Variants in RYR2 observed in about 807,000 individuals in gnomAD.
RYR2 encodes ryanodine receptor 2, also known as cardiac muscle ryanodine receptor-calcium release channel.
In RYR2, 227 loss-of-function variants were observed where a neutral mutation model predicts 601.1. That is an observed-to-expected ratio of 0.38 (90% CI 0.34 to 0.42). The LOEUF is 0.42. Ranked by LOEUF, RYR2 falls within the 10% of genes least tolerant of loss-of-function variation. The probability of loss-of-function intolerance (pLI) is 1.00; values close to 1 mark genes in which losing one functional copy is unlikely to be tolerated. For missense variants in RYR2, 4,646 were observed against 6,156.5 expected, an observed-to-expected ratio of 0.75 and a Z score of 8.21; for synonymous variants, 2,223 against 2,175.1, an observed-to-expected ratio of 1.02 and a Z score of -0.61.
chr1:237,109,550 C>T (rs1010726904), intron 1 of RYR2, among the ~76,000 whole-genome samples: 2 of 152,116 alleles, frequency 1.3e-5, no homozygotes, highest in Non-Finnish European at 1.5e-5. Flanking sequence ...CGAAGGGCCT[C>T]GGTGATGGGC....
At position 237,485,004 on chromosome 1, in the gene RYR2, G is replaced by A. The variant is rs188436434; in HGVS notation, c.1709-6802G>A. On this transcript the variant is annotated intron_variant, in intron 17 of 104. Transcript: ENST00000366574. The stretch of plus-strand genomic sequence containing the variant: ...TATTTGCACGTATTAAACATGCAGT[G>A]CCTGCAGCCTCAATTTTGTGTTCTA... Among the ~76,000 whole-genome samples, 257 of 152,290 alleles carry A rather than the reference G, an allele frequency of 1.7e-3. 2 individuals carry two copies. Among genetic ancestry groups the A allele is most frequent in the Admixed American group, 4.6e-3 (71 of 15,292 alleles).
At chr1:237,205,347 C>A (rs1266063799) in intron 1 of RYR2, among the ~76,000 whole-genome samples, 14 of 152,172 alleles carry the variant, frequency 9.2e-5, no homozygotes, top group Admixed American at 9.2e-4. Flanking sequence ...GGGCTTGCTG[C>A]CTGCCACGAA....
In RYR2 at chr1:237,785,990, G is replaced by GAAA. The variant is rs1178242375; in HGVS notation, c.13284_13286dup (p.Lys4429dup). On this transcript the variant is annotated inframe_insertion, in exon 91 of 105. Coordinates refer to ENST00000366574, the MANE Select transcript of RYR2 (RefSeq NM_001035.3). ...CAAGGAACAGAAGGCAAAAGAAGAA[G>GAAA]AAAAGGAAGAAAAAGAAGAAACCAA... 1 of 1,591,608 alleles carries GAAA rather than the reference G, an allele frequency of 6.3e-7. No individual in the cohort carries two copies. Among genetic ancestry groups the GAAA allele is most frequent in the Non-Finnish European group, 8.6e-7 (1 of 1,167,720 alleles).
intron 46 of RYR2, among the ~76,000 whole-genome samples, chr1:237,639,576 AC>A (rs1681243642): frequency 6.6e-6 from 1 of 152,086 alleles, no homozygotes; most frequent in Non-Finnish European, 1.5e-5. Flanking sequence ...TTAGAAAGAG[AC>A]CTTTCGCAAA....
chr1:237,547,015 A>G (rs1039939081), intron 25 of RYR2, among the ~76,000 whole-genome samples: 5 of 141,654 alleles, frequency 3.5e-5, no homozygotes, highest in African/African-American at 1.3e-4. Flanking sequence ...TTATTTATTT[A>G]TTTATTTAGA....
chr1:237,646,005 T>A (rs1187682290), intron 48 of RYR2, among the ~76,000 whole-genome samples: 3 of 151,316 alleles, frequency 2.0e-5, no homozygotes, highest in South Asian at 4.2e-4. Context: ...GCCTCCCGAG[T>A]AGCTGGGACT....
chr1:237,446,505 G>C (rs1204598033), intron 14 of RYR2, among the ~76,000 whole-genome samples: 2 of 151,862 alleles, frequency 1.3e-5, no homozygotes, highest in African/African-American at 4.8e-5. Flanking sequence ...ATTGGTTTGG[G>C]AAAGAATTTG....
chr1:237,273,171 T>C (rs1223542493), intron 2 of RYR2, among the ~76,000 whole-genome samples: 1 of 152,088 alleles, frequency 6.6e-6, no homozygotes, highest in Non-Finnish European at 1.5e-5. Context: ...TAGATGGCTA[T>C]ATCTGGGGGT....
At chr1:237,516,063 C>CT (rs1666513860) in intron 24 of RYR2, among the ~76,000 whole-genome samples, 1 of 151,438 alleles carries the variant, frequency 6.6e-6, no homozygotes, top group Non-Finnish European at 1.5e-5. Context: ...TCCTCCTCTT[C>CT]TTTTTTCTCT....
intron 1 of RYR2, among the ~76,000 whole-genome samples, chr1:237,048,375 T>C (rs1660851155): frequency 6.6e-6 from 1 of 152,194 alleles, no homozygotes; most frequent in Non-Finnish European, 1.5e-5. Context: ...ATGTGTTTCA[T>C]ACTCCGTTAG....
At chr1:237,425,031 A>G (rs1706002513) in intron 12 of RYR2, among the ~76,000 whole-genome samples, 1 of 152,228 alleles carries the variant, frequency 6.6e-6, no homozygotes, top group Non-Finnish European at 1.5e-5. Flanking sequence ...ATGTCTAACA[A>G]GAAAACATAT....
intron 48 of RYR2, among the ~76,000 whole-genome samples, chr1:237,645,972 G>T (rs1470226105): frequency 6.6e-6 from 1 of 150,994 alleles, no homozygotes; most frequent in Non-Finnish European, 1.5e-5. Flanking sequence ...CGCCTCCCGG[G>T]TTCACGCCAT....
chr1:237,072,947 CA>C lies in RYR2; in HGVS notation c.48+30395del, dbSNP rs34070186. On this transcript the variant is annotated intron_variant, in intron 1 of 104. Transcript: ENST00000366574. Reference sequence around the variant, plus strand: ...CGGGCGACAGAGCGAGACTCCATCTCAAAAAAAAAAAAAAAAACAAAAACTC... The same window carrying C: ...CGGGCGACAGAGCGAGACTCCATCTCAAAAAAAAAAAAAAAACAAAAACTC... 4.3e-3 allele frequency among the ~76,000 whole-genome samples: 453 copies of C among 104,162 alleles called. 3 individuals carry two copies. Among genetic ancestry groups the C allele is most frequent in the African/African-American group, 0.016 (397 of 24,342 alleles). The allele number at this position is 104,162 out of a possible 152,430, so 68.3% of individuals were successfully genotyped here.
chr1:237,464,101 C>T (rs188438530), intron 16 of RYR2, among the ~76,000 whole-genome samples: 294 of 152,268 alleles, frequency 1.9e-3, no homozygotes, highest in African/African-American at 5.9e-3. Context: ...CAGAATAACA[C>T]GTGTGTACAT....
chr1:237,643,380 C>A lies in RYR2; in HGVS notation c.7275C>A (p.Ser2425=), dbSNP rs775279219. The A allele has an allele frequency of 1.2e-6, 2 of 1,613,724 alleles. No homozygotes were observed. Among genetic ancestry groups the A allele is most frequent in the Non-Finnish European group, 1.7e-6 (2 of 1,179,780 alleles). ...TCAGAATTAGGTCCATTTTGAGATCCCTCATTCCCCTGGGAGATTTGGTGG... is the reference window on the plus strand; with the variant it reads ...TCAGAATTAGGTCCATTTTGAGATCACTCATTCCCCTGGGAGATTTGGTGG... The part of the protein sequence containing the change: ...EAIRIRSILR[S]LIPLGDLVGV... The change falls in exon 48 of 105, where the codon TCC becomes TCA. Residue 2425 remains serine (S), a synonymous_variant. Coordinates refer to ENST00000366574, the MANE Select transcript of RYR2 (RefSeq NM_001035.3).
intron 1 of RYR2, among the ~76,000 whole-genome samples, chr1:237,111,957 G>C (rs1669522899): frequency 6.6e-6 from 1 of 152,196 alleles, no homozygotes; most frequent in Non-Finnish European, 1.5e-5. Context: ...TGGCACCCCA[G>C]TGGCAGCCCA....
intron 48 of RYR2, among the ~76,000 whole-genome samples, chr1:237,647,608 A>G (rs1682307214): frequency 6.6e-6 from 1 of 152,146 alleles, no homozygotes. Flanking sequence ...TTTATTCAGG[A>G]TGATTGTGGT....
chr1:237,441,620 T>G, intron 13 of RYR2, 137 bp downstream of exon 13: 1 of 663,652 alleles, frequency 1.5e-6, no homozygotes, highest in Non-Finnish European at 2.4e-6. Context: ...CAGATTCCAC[T>G]GTAATAGACT....
At chr1:237,649,499 G>A (rs571138520) in intron 49 of RYR2, among the ~76,000 whole-genome samples, 17 of 152,222 alleles carry the variant, frequency 1.1e-4, no homozygotes, top group African/African-American at 3.6e-4. Context: ...AAGAATTTAC[G>A]CATATGAGAT....
Sources: allele counts gnomAD v4.1 joint callset (sites outside exome capture counted in the v4.1 genomes callset), GRCh38; gene constraint gnomAD v4.1.1; transcripts MANE v1.5; gene names NCBI Gene and HGNC (gene_info 2026-07-23, HGNC 2026-07-21).